TCF7: variants seen among roughly 807,000 people sequenced by gnomAD.
TCF7 encodes transcription factor 7.
A neutral mutation model predicts 46.8 loss-of-function variants in TCF7; 19 were observed. That is an observed-to-expected ratio of 0.41 (90% CI 0.28 to 0.60). TCF7 has a LOEUF of 0.60. Ranked by LOEUF, TCF7 falls within the 20% of genes least tolerant of loss-of-function variation. The pLI is 0.35. For synonymous variants in TCF7, 245 were observed against 213.4 expected, an observed-to-expected ratio of 1.15 and a Z score of -1.29; for missense variants, 547 against 504.6, an observed-to-expected ratio of 1.08 and a Z score of -0.81.
rs1439579360 is a variant in TCF7 at position 134,145,028 on chromosome 5, T to G, written c.1076-1196T>G. 5 of 680,172 alleles carry G rather than the reference T, an allele frequency of 7.4e-6. No individual in the cohort carries two copies. The African/African-American group carries it at 8.9e-5, about 12-fold the overall frequency. The allele number at this position is 680,172 out of a possible 1,614,324, so 42.1% of individuals were successfully genotyped here. ...GCCTCCTGAGAATAGTAGTAAATACTGAACACAGCGCGTGGAGAAGACCAC... is the reference window on the plus strand; with the variant it reads ...GCCTCCTGAGAATAGTAGTAAATACGGAACACAGCGCGTGGAGAAGACCAC... On this transcript the variant is annotated intron_variant, in intron 9 of 9. Transcript: ENST00000342854.
chr5:134,144,652 T>G, intron 9 of TCF7: 2 of 645,170 alleles, frequency 3.1e-6, no homozygotes, highest in East Asian at 2.8e-5. Flanking sequence ...GGCTGTGCCA[T>G]GGAGAGGCCC....
At chr5:134,133,287 T>C (rs1758411727) in intron 3 of TCF7, among the ~76,000 whole-genome samples, 1 of 152,172 alleles carries the variant, frequency 6.6e-6, no homozygotes, top group Non-Finnish European at 1.5e-5. Flanking sequence ...CTAGGTTTGG[T>C]ACTCTGCCCT....
chr5:134,115,949 G>A lies in TCF7; in HGVS notation c.357G>A (p.Glu119=). The A allele has an allele frequency of 1.2e-6, 2 of 1,614,034 alleles. No individual in the cohort carries two copies. ...AGTGCACCAGCGGCATGTACAAAGA[G>A]ACCGTCTACTCCGCCTTCAATCTGC... is the stretch of plus-strand genomic sequence containing the variant. ...APECTSGMYK[E]TVYSAFNLLM... The change falls in exon 3 of 10, where the codon GAG becomes GAA. Residue 119 remains glutamate (E), a synonymous_variant. Transcript: ENST00000342854.
intron 3 of TCF7, among the ~76,000 whole-genome samples, chr5:134,119,938 G>C (rs182671327): frequency 7.2e-5 from 11 of 152,326 alleles, no homozygotes; most frequent in African/African-American, 2.6e-4. Flanking sequence ...CACCAAGCTT[G>C]GTACCAGGTA....
Position 134,146,911 on chromosome 5 carries a change from A to G in TCF7, c.*608A>G. On this transcript the variant is annotated 3_prime_UTR_variant, in exon 10 of 10. Transcript: ENST00000342854. Reference sequence around the variant, plus strand: ...CATCCCCCACTGCCACACCCTCCCCATTCAGACACTTCATGGACCAAGAAT... The same window carrying G: ...CATCCCCCACTGCCACACCCTCCCCGTTCAGACACTTCATGGACCAAGAAT... 1 of 249,610 alleles carries G rather than the reference A, an allele frequency of 4.0e-6. No individual in the cohort carries two copies. Among genetic ancestry groups the G allele is most frequent in the South Asian group, 5.3e-5 (1 of 18,894 alleles). The allele number at this position is 249,610 out of a possible 1,614,324, so 15.5% of individuals were successfully genotyped here. A position where few individuals can be genotyped will look rare whatever the true frequency, so the allele number is the denominator to read the frequency against.
rs1760768867 is a variant in TCF7, at chr5:134,146,781, G to C, written c.*478G>C. On this transcript the variant is annotated 3_prime_UTR_variant, in exon 10 of 10. Coordinates refer to ENST00000342854, the MANE Select transcript of TCF7 (RefSeq NM_003202.5). ...CTATGGCTGCCTGCATCTATTCTTT[G>C]TACCATCTGTCTTGCCAGCCAGAAG... 1.9e-6 allele frequency: 1 copy of C among 515,784 alleles called. No individual in the cohort carries two copies. 32.0% of individuals were successfully genotyped at this position (515,784 alleles called of 1,614,324 possible). A position where few individuals can be genotyped will look rare whatever the true frequency, so the allele number is the denominator to read the frequency against.
rs757313138 is a variant in TCF7, at chr5:134,138,941, T to C, written c.548-10T>C. The C allele has an allele frequency of 6.2e-7, 1 of 1,613,728 alleles. No individual in the cohort carries two copies. Among genetic ancestry groups the C allele is most frequent in the Non-Finnish European group, 8.5e-7 (1 of 1,179,958 alleles). ...GGCTAGCCCACTCACTCAGCTTCTCTCCTCTGCAGTTCACAGGCCTCTGCA... is the reference window on the plus strand; with the variant it reads ...GGCTAGCCCACTCACTCAGCTTCTCCCCTCTGCAGTTCACAGGCCTCTGCA... On this transcript the variant is annotated splice_polypyrimidine_tract_variant and intron_variant, in intron 4 of 9. Coordinates refer to ENST00000342854, the MANE Select transcript of TCF7 (RefSeq NM_003202.5).
At chr5:134,136,390 G>GA (rs1010389942) in intron 3 of TCF7, among the ~76,000 whole-genome samples, 112 of 152,274 alleles carry the variant, frequency 7.4e-4, no homozygotes, top group Non-Finnish European at 1.4e-3. Flanking sequence ...GGAAGCCTGT[G>GA]AAGCCCTGTT....
At chr5:134,139,201 C>CCAGGT in intron 5 of TCF7, 163 bp downstream of exon 5, 1 of 1,118,462 alleles carries the variant, frequency 8.9e-7, no homozygotes, top group Non-Finnish European at 1.2e-6. Context: ...TGGCTCTGAG[C>CCAGGT]TAGGGGTCCT....
chr5:134,142,125 T>C, intron 5 of TCF7, 60 bp from the exon 6 acceptor site: 1 of 1,610,812 alleles, frequency 6.2e-7, no homozygotes, highest in Non-Finnish European at 8.5e-7. Context: ...GGCCTCTGTG[T>C]GTGTCCAAAG....
chr5:134,139,028 A>C lies in TCF7; in HGVS notation c.625A>C (p.Thr209Pro). Residue 209 changes from threonine to proline, a missense_variant, in exon 5 of 10, where the codon ACT (threonine) becomes CCT (proline). Around this residue, in one of 3 missense-constraint regions of TCF7, gnomAD observed 425 missense variants for 349.9 expected, o/e 1.21. Coordinates refer to ENST00000342854, the MANE Select transcript of TCF7 (RefSeq NM_003202.5). ...AGGCAGCATGGGGCAGCTCCCCCAC[A>C]CTGTGAGCTGGTGAGTGTGGGCCCA... ...TSGSMGQLPH[T>P]VSWFTHPSLM... The C allele has an allele frequency of 6.2e-7, 1 of 1,613,720 alleles. No homozygotes were observed. The highest frequency in any genetic ancestry group is 8.5e-7 in the Non-Finnish European group (1 of 1,179,962).
chr5:134,117,439 G>C (rs1203024021), intron 3 of TCF7, among the ~76,000 whole-genome samples: 1 of 152,214 alleles, frequency 6.6e-6, no homozygotes, highest in Non-Finnish European at 1.5e-5. Context: ...CTTCCAACAG[G>C]TGTGCCACTT....
chr5:134,120,546 C>G (rs1756428610), intron 3 of TCF7, among the ~76,000 whole-genome samples: 1 of 152,182 alleles, frequency 6.6e-6, no homozygotes, highest in Admixed American at 6.5e-5. Context: ...GTCTTACAGC[C>G]AGCAACTTCT....
chr5:134,143,906 T>G, intron 9 of TCF7: 1 of 448,198 alleles, frequency 2.2e-6, no homozygotes, highest in Non-Finnish European at 4.1e-6. Flanking sequence ...TTGCACCCAC[T>G]ACCTTTGCTA....
At position 134,115,783 on chromosome 5, in the gene TCF7, C is replaced by T. The variant is rs1321335525; in HGVS notation, c.317-126C>T. On this transcript the variant is annotated intron_variant, in intron 2 of 9. Coordinates refer to ENST00000342854, the MANE Select transcript of TCF7 (RefSeq NM_003202.5). ...CTTGGCACTGCCGATACTCCCAGCC[C>T]GTTCCTTCCCAAGTCAGGAACTTGC... 14 of 1,526,148 alleles carry T rather than the reference C, an allele frequency of 9.2e-6. No homozygotes were observed. The East Asian group carries it at 2.6e-4, about 28-fold the overall frequency. The allele number at this position is 1,526,148 out of a possible 1,614,324, so 94.5% of individuals were successfully genotyped here. A position where few individuals can be genotyped will look rare whatever the true frequency, so the allele number is the denominator to read the frequency against.
chr5:134,144,442 A>C, intron 9 of TCF7: 1 of 302,092 alleles, frequency 3.3e-6, no homozygotes, highest in South Asian at 4.0e-5. Flanking sequence ...GGGTGGCCCT[A>C]GGGCATAAAA....
At chr5:134,132,196 C>T (rs571510148) in intron 3 of TCF7, among the ~76,000 whole-genome samples, 1 of 152,356 alleles carries the variant, frequency 6.6e-6, no homozygotes, top group East Asian at 1.9e-4. Context: ...CCCCATCTGT[C>T]AGGTGGGCGT....
At chr5:134,113,123 C>T (rs1023939834), upstream of TCF7, among the ~76,000 whole-genome samples, 2 of 152,222 alleles carry the variant, frequency 1.3e-5, no homozygotes, top group East Asian at 1.9e-4. Context: ...CCGAGCCCCC[C>T]CTTCCCCGCC....
chr5:134,138,768 C>T, intron 4 of TCF7, 183 bp from the exon 5 acceptor site: 1 of 971,634 alleles, frequency 1.0e-6, no homozygotes, highest in Non-Finnish European at 1.5e-6. Context: ...CCTGGGTTCC[C>T]TTGTCTGTCA....
Sources: gnomAD v4.1 joint callset for allele counts (sites outside exome capture counted in the v4.1 genomes callset) on GRCh38, gnomAD v4.1.1 for gene constraint, gnomAD v4.1.1 regional missense constraint, MANE v1.5 for transcripts, NCBI Gene and HGNC (gene_info 2026-07-23, HGNC 2026-07-21) for gene names.